SCRG1: variants seen among roughly 807,000 people sequenced by gnomAD.
The protein encoded by SCRG1 is scrapie-responsive protein 1.
Under a neutral mutation model 7.7 loss-of-function variants are expected in SCRG1, and 3 were observed. The observed-to-expected ratio is 0.39, with a 90% CI of 0.18 to 1.01. SCRG1 has a LOEUF of 1.01. Ranked by LOEUF, SCRG1 falls within the 50% of genes least tolerant of loss-of-function variation. SCRG1 has a pLI of 0.36. For synonymous variants in SCRG1, 46 were observed against 41.2 expected, an observed-to-expected ratio of 1.12 and a Z score of -0.44; for missense variants, 110 against 117.2, an observed-to-expected ratio of 0.94 and a Z score of 0.28.
chr4:173,398,234 G>C (rs1354297395), intron 1 of SCRG1: 1 of 152,148 alleles, frequency 6.6e-6, no homozygotes, highest in Non-Finnish European at 1.5e-5. Flanking sequence ...CCTTAAAACA[G>C]ACATATCATC....
At chr4:173,430,875 G>A in the SCRG1 span, among the ~76,000 whole-genome samples, 1 of 147,068 alleles carries the variant, frequency 6.8e-6, no homozygotes. Context: ...ACAATCTATA[G>A]TCATCAGAAA....
At chr4:173,413,115 C>CA in the SCRG1 span, among the ~76,000 whole-genome samples, 1,345 of 135,458 alleles carry the variant, frequency 9.9e-3, 34 homozygotes, top group Admixed American at 0.06. Context: ...GTTGCATTTC[C>CA]AAAAAAAAAA....
the SCRG1 span, among the ~76,000 whole-genome samples, chr4:173,416,146 A>G: frequency 4.6e-5 from 7 of 152,346 alleles, no homozygotes; most frequent in East Asian, 1.4e-3. Flanking sequence ...ACTTCCAGTC[A>G]GAGGCCCTAA....
the SCRG1 span, among the ~76,000 whole-genome samples, chr4:173,504,973 T>C: frequency 1.3e-5 from 2 of 152,218 alleles, no homozygotes; most frequent in Admixed American, 6.5e-5. This position sits in a 1 kb window ranked among gnomAD's most constrained non-coding sequence, Gnocchi z 4.7. Flanking sequence ...TCAGCCTTGA[T>C]TGTCACCACT....
At chr4:173,420,297 G>A in the SCRG1 span, among the ~76,000 whole-genome samples, 3 of 152,128 alleles carry the variant, frequency 2.0e-5, no homozygotes, top group Non-Finnish European at 4.4e-5. Flanking sequence ...ACTCTACAAT[G>A]AACTTACTTA....
the SCRG1 span, chr4:173,420,078 A>C: frequency 1.7e-6 from 1 of 598,980 alleles, no homozygotes; most frequent in Non-Finnish European, 3.2e-6. Flanking sequence ...ATCATCTTCT[A>C]AATTTCACTT....
At chr4:173,445,105 TA>T in the SCRG1 span, among the ~76,000 whole-genome samples, 1 of 151,468 alleles carries the variant, frequency 6.6e-6, no homozygotes, top group African/African-American at 2.4e-5. Context: ...ACAGAAATGA[TA>T]AAAAAAGCCA....
At chr4:173,418,690 A>C in the SCRG1 span, among the ~76,000 whole-genome samples, 4 of 152,128 alleles carry the variant, frequency 2.6e-5, no homozygotes, top group East Asian at 7.7e-4. Context: ...GTCAAATTGT[A>C]ATTCTCAGTG....
intron 2 of SCRG1, among the ~76,000 whole-genome samples, chr4:173,390,564 T>C (rs1296483699): frequency 6.7e-6 from 1 of 149,338 alleles, no homozygotes; most frequent in East Asian, 2.1e-4. Context: ...CCTCAGCCTC[T>C]CAGGTTCAAG....
At chr4:173,510,005 T>G in the SCRG1 span, among the ~76,000 whole-genome samples, 3 of 152,168 alleles carry the variant, frequency 2.0e-5, no homozygotes, top group Admixed American at 6.5e-5. This position sits in a 1 kb window ranked among gnomAD's most constrained non-coding sequence, Gnocchi z 5.7. Flanking sequence ...TAAAAAGCAA[T>G]TTCACATTTT....
chr4:173,475,120 A>G, the SCRG1 span, among the ~76,000 whole-genome samples: 1 of 152,106 alleles, frequency 6.6e-6, no homozygotes, highest in East Asian at 1.9e-4. Context: ...TGCTTATTGA[A>G]CCAAGAAAGG....
chr4:173,445,986 T>C, the SCRG1 span, among the ~76,000 whole-genome samples: 2 of 152,106 alleles, frequency 1.3e-5, no homozygotes, highest in East Asian at 1.9e-4. Context: ...TTTAAGGAGA[T>C]TTGGGTTCAC....
chr4:173,429,822 A>C, the SCRG1 span, among the ~76,000 whole-genome samples: 1 of 152,232 alleles, frequency 6.6e-6, no homozygotes, highest in African/African-American at 2.4e-5. Flanking sequence ...ACATATAATA[A>C]GAACAAAAAT....
At chr4:173,418,204 C>T in the SCRG1 span, among the ~76,000 whole-genome samples, 3 of 152,222 alleles carry the variant, frequency 2.0e-5, no homozygotes, top group African/African-American at 7.2e-5. Context: ...ACATTGCCCT[C>T]CCTGCATTGA....
the SCRG1 span, chr4:173,419,262 G>T: frequency 2.2e-5 from 12 of 545,876 alleles, no homozygotes; most frequent in Non-Finnish European, 3.9e-5. Context: ...TCGGCAGCCC[G>T]CTCCTGAGCT....
chr4:173,445,507 G>A, the SCRG1 span, among the ~76,000 whole-genome samples: 2 of 150,006 alleles, frequency 1.3e-5, no homozygotes, highest in African/African-American at 2.4e-5. Flanking sequence ...GCTTGAACCC[G>A]GGAGGTGGAG....
chr4:173,515,969 C>T, the SCRG1 span, among the ~76,000 whole-genome samples: 1 of 152,182 alleles, frequency 6.6e-6, no homozygotes, highest in African/African-American at 2.4e-5. This position sits in a 1 kb window ranked among gnomAD's most constrained non-coding sequence, Gnocchi z 4.6. Context: ...CTCGCTGGAC[C>T]CCAATTCCCC....
At chr4:173,439,720 C>T in the SCRG1 span, among the ~76,000 whole-genome samples, 3 of 152,008 alleles carry the variant, frequency 2.0e-5, no homozygotes, top group Non-Finnish European at 4.4e-5. Context: ...CCTCTTACCA[C>T]GATAGGTAAA....
the SCRG1 span, among the ~76,000 whole-genome samples, chr4:173,414,687 C>G: frequency 6.6e-6 from 1 of 152,356 alleles, no homozygotes; most frequent in South Asian, 2.1e-4. Flanking sequence ...TTCTTGTCAG[C>G]TGTGTTCACA....
Sources: gnomAD v4.1 joint callset for allele counts (sites outside exome capture counted in the v4.1 genomes callset) on GRCh38, gnomAD v4.1.1 for gene constraint, Gnocchi (gnomAD v3.1) non-coding constraint, MANE v1.5 for transcripts, NCBI Gene and HGNC (gene_info 2026-07-23, HGNC 2026-07-21) for gene names.